RAB3B: variants seen among roughly 807,000 people sequenced by gnomAD.
RAB3B encodes ras-related protein Rab-3B.
Under a neutral mutation model 20.5 loss-of-function variants are expected in RAB3B, and 11 were observed. The ratio of observed to expected loss-of-function variants is 0.54; its 90% CI spans 0.34 to 0.89. The LOEUF is 0.89. Ranked by LOEUF, RAB3B falls within the 40% of genes least tolerant of loss-of-function variation. The pLI is 0.02. For synonymous variants in RAB3B, 99 were observed against 106.3 expected (o/e 0.93, Z 0.42); for missense variants, 225 against 280.9 (o/e 0.80, Z 1.42).
At position 51,910,823 on chromosome 1, in the gene RAB3B, C is replaced by A; in HGVS notation, c.*9104G>T. On this transcript the variant is annotated 3_prime_UTR_variant, in exon 5 of 5. Coordinates refer to ENST00000371655, the MANE Select transcript of RAB3B (RefSeq NM_002867.4). ...CCACTGTTAACCCCAGAAACAGATG[C>A]ATTTGAATCTGAAAGGAGACAGGAA... 1 of 152,166 alleles carries A rather than the reference C, an allele frequency of 6.6e-6. No homozygotes were observed. Among genetic ancestry groups the A allele is most frequent in the African/African-American group, 2.4e-5 (1 of 41,456 alleles). The allele number at this position is 152,166 out of a possible 1,614,324, so 9.4% of individuals were successfully genotyped here.
chr1:51,921,097 C>T (rs1436324080), intron 4 of RAB3B, among the ~76,000 whole-genome samples: 2 of 152,186 alleles, frequency 1.3e-5, no homozygotes, highest in African/African-American at 4.8e-5. Context: ...GGCTGCTTTC[C>T]ACCCAAGGAA....
At chr1:51,980,229 G>A (rs1429705936) in intron 1 of RAB3B, among the ~76,000 whole-genome samples, 4 of 152,134 alleles carry the variant, frequency 2.6e-5, no homozygotes, top group Non-Finnish European at 5.9e-5. Flanking sequence ...AGGAGTTCAA[G>A]ACCAGCCTGG....
chr1:51,912,580 TATATATATATATATATATATAA>T lies in RAB3B; in HGVS notation c.*7325_*7346del, dbSNP rs1463280477. The T allele has an allele frequency of 3.9e-4, 15 of 38,638 alleles. 2 individuals are homozygous for T. The highest frequency in any genetic ancestry group is 3.4e-3 in the East Asian group (2 of 582). 2.4% of individuals were successfully genotyped at this position (38,638 alleles called of 1,614,324 possible). ...ATATATATATATATATATATATATA[TATATATATATATATATATATAA>T]AAAATGTTACTCCTGTGAGACAGAA... On this transcript the variant is annotated 3_prime_UTR_variant, in exon 5 of 5. Coordinates refer to ENST00000371655, the MANE Select transcript of RAB3B (RefSeq NM_002867.4).
intron 2 of RAB3B, among the ~76,000 whole-genome samples, chr1:51,960,209 C>T (rs1458243811): frequency 6.6e-6 from 1 of 152,234 alleles, no homozygotes; most frequent in African/African-American, 2.4e-5. Context: ...TGGAACAGAA[C>T]TGACCAGGGG....
chr1:51,928,317 G>T lies in RAB3B; in HGVS notation c.472+5001C>A, dbSNP rs1333857414. 3.9e-5 allele frequency among the ~76,000 whole-genome samples: 6 copies of T among 152,148 alleles called. No homozygotes were observed. In the East Asian group the frequency reaches 1.2e-3, roughly 29 times the overall value. On this transcript the variant is annotated intron_variant, in intron 4 of 4. Coordinates refer to ENST00000371655, the MANE Select transcript of RAB3B (RefSeq NM_002867.4). ...AGATGAGGTTTCTCCATGTTGGTCA[G>T]GCTGGTCTCGAACTCCCGACCTCAG...
At chr1:51,939,156 G>C (rs1373773942) in intron 2 of RAB3B, among the ~76,000 whole-genome samples, 1 of 152,214 alleles carries the variant, frequency 6.6e-6, no homozygotes, top group East Asian at 1.9e-4. Flanking sequence ...ACATTGGGAT[G>C]CTTCCAAATT....
In RAB3B at chr1:51,919,655, A is replaced by G. The variant is rs1684141668; in HGVS notation, c.*272T>C. The G allele has an allele frequency of 5.8e-6, 2 of 347,218 alleles. No individual in the cohort carries two copies. Among genetic ancestry groups the G allele is most frequent in the Non-Finnish European group, 1.0e-5 (2 of 191,538 alleles). 21.5% of individuals were successfully genotyped at this position (347,218 alleles called of 1,614,324 possible). A position where few individuals can be genotyped will look rare whatever the true frequency, so the allele number is the denominator to read the frequency against. On this transcript the variant is annotated 3_prime_UTR_variant, in exon 5 of 5. Transcript: ENST00000371655. ...AAGAGACTGTTCTCTAAGTCCCTGT[A>G]GTGAATCCCCTTCGTAAAACAGAGT...
chr1:51,955,094 T>C (rs1684690461), intron 2 of RAB3B, among the ~76,000 whole-genome samples: 2 of 152,232 alleles, frequency 1.3e-5, no homozygotes, highest in Admixed American at 1.3e-4. Context: ...CCAGGGGGCG[T>C]TGACCTTTAT....
chr1:51,950,667 C>T (rs1684628954), intron 2 of RAB3B, among the ~76,000 whole-genome samples: 1 of 152,186 alleles, frequency 6.6e-6, no homozygotes, highest in Admixed American at 6.5e-5. Flanking sequence ...TCTCTGGGGT[C>T]TTCATCCCTG....
In RAB3B at chr1:51,916,449, C is replaced by G. The variant is rs1684086283; in HGVS notation, c.*3478G>C. 1 of 152,148 alleles carries G rather than the reference C, an allele frequency of 6.6e-6. No individual in the cohort carries two copies. The highest frequency in any genetic ancestry group is 1.5e-5 in the Non-Finnish European group (1 of 68,042). 9.4% of individuals were successfully genotyped at this position (152,148 alleles called of 1,614,324 possible). Reference sequence around the variant, plus strand: ...AGGACCTTGGTCTGAAATCCTAGTACTAGAGTAGGTGAGTGTTAATGACCA... The same window carrying G: ...AGGACCTTGGTCTGAAATCCTAGTAGTAGAGTAGGTGAGTGTTAATGACCA... On this transcript the variant is annotated 3_prime_UTR_variant, in exon 5 of 5. Transcript: ENST00000371655.
In RAB3B at chr1:51,912,926, A is replaced by T. The variant is rs1557958255; in HGVS notation, c.*7001T>A. 1 of 152,164 alleles carries T rather than the reference A, an allele frequency of 6.6e-6. No homozygotes were observed. Among genetic ancestry groups the T allele is most frequent in the Non-Finnish European group, 1.5e-5 (1 of 68,026 alleles). 9.4% of individuals were successfully genotyped at this position (152,164 alleles called of 1,614,324 possible). ...AATTTGGACATGTTAAGTTTGAGAC[A>T]TGAAAATGTCCAGTAGGCACTTAGA... is the stretch of plus-strand genomic sequence containing the variant. On this transcript the variant is annotated 3_prime_UTR_variant, in exon 5 of 5. Coordinates refer to ENST00000371655, the MANE Select transcript of RAB3B (RefSeq NM_002867.4).
chr1:51,919,990 G>C lies in RAB3B; in HGVS notation c.597C>G (p.Gly199=). 6.2e-7 allele frequency: 1 copy of C among 1,614,186 alleles called. No homozygotes were observed. The change falls in exon 5 of 5, where the codon GGC becomes GGG. Residue 199 remains glycine, a synonymous_variant. Coordinates refer to ENST00000371655, the MANE Select transcript of RAB3B (RefSeq NM_002867.4). ...DSLDTDPSML[G]SSKNTRLSDT... ...CCGAGAGACGCGTGTTCTTGGAGGA[G>C]CCCAGCATCGACGGGTCTGTGTCCA...
At chr1:51,976,056 T>C (rs921138196) in intron 2 of RAB3B, among the ~76,000 whole-genome samples, 2 of 151,952 alleles carry the variant, frequency 1.3e-5, no homozygotes, top group African/African-American at 2.4e-5. Flanking sequence ...CAAGCCAACA[T>C]CTGGCTACAC....
At chr1:51,979,539 A>C (rs1309162900) in intron 1 of RAB3B, among the ~76,000 whole-genome samples, 1 of 151,826 alleles carries the variant, frequency 6.6e-6, no homozygotes, top group East Asian at 2.0e-4. Flanking sequence ...CCAAAGTGCT[A>C]GGATTACAGG....
At chr1:51,923,151 C>T (rs776263795) in intron 4 of RAB3B, among the ~76,000 whole-genome samples, 2 of 152,162 alleles carry the variant, frequency 1.3e-5, no homozygotes, top group Admixed American at 6.5e-5. Flanking sequence ...TTCACAAATA[C>T]GAAAACAACC....
chr1:51,983,725 C>T lies in RAB3B; in HGVS notation c.1-6608G>A, dbSNP rs573883280. 6.6e-5 allele frequency among the ~76,000 whole-genome samples: 10 copies of T among 151,952 alleles called. No individual in the cohort carries two copies. In the South Asian group the frequency reaches 8.3e-4, roughly 13 times the overall value. ...CCATAATCCCAGGACTTTGTGAGGCCGAGGCAGGCGGATCATTTGAGCTCA... is the reference window on the plus strand; with the variant it reads ...CCATAATCCCAGGACTTTGTGAGGCTGAGGCAGGCGGATCATTTGAGCTCA... On this transcript the variant is annotated intron_variant, in intron 1 of 4. Transcript: ENST00000371655.
rs1213669330 is a variant in RAB3B at position 51,937,182 on chromosome 1, A to G, written c.347+112T>C. 3.8e-6 allele frequency: 3 copies of G among 787,940 alleles called. No individual in the cohort carries two copies. In the East Asian group the frequency reaches 8.3e-5, roughly 22 times the overall value. The allele number at this position is 787,940 out of a possible 1,614,324, so 48.8% of individuals were successfully genotyped here. A position where few individuals can be genotyped will look rare whatever the true frequency, so the allele number is the denominator to read the frequency against. ...CTCTCGTCTGTAAACTCCTGAGGCC[A>G]GTAACCATGTCTGATTCATCTGGGC... On this transcript the variant is annotated intron_variant, in intron 3 of 4. Transcript: ENST00000371655.
chr1:51,938,000 T>C (rs1378240623), intron 2 of RAB3B, among the ~76,000 whole-genome samples: 1 of 146,094 alleles, frequency 6.8e-6, no homozygotes, highest in African/African-American at 2.5e-5. Flanking sequence ...TTGTTTCTTT[T>C]TTTTTTTTTT....
intron 2 of RAB3B, among the ~76,000 whole-genome samples, chr1:51,970,094 AAAACAAAC>A (rs201922466): frequency 5.9e-5 from 9 of 151,758 alleles, no homozygotes; most frequent in East Asian, 1.9e-4. Context: ...CAAAAAACAA[AAAACAAAC>A]AAACAAACAA....
Sources: gnomAD v4.1 joint callset for allele counts (sites outside exome capture counted in the v4.1 genomes callset) on GRCh38, gnomAD v4.1.1 for gene constraint, MANE v1.5 for transcripts, NCBI Gene and HGNC (gene_info 2026-07-23, HGNC 2026-07-21) for gene names.